Variants in CSNK1A1 observed in about 807,000 individuals in gnomAD.
CSNK1A1 encodes the protein casein kinase 1 alpha 1.
A neutral mutation model predicts 46.1 loss-of-function variants in CSNK1A1; 7 were observed. That is an observed-to-expected ratio of 0.15 (90% CI 0.09 to 0.29). CSNK1A1 has a LOEUF of 0.29. Ranked by LOEUF, CSNK1A1 falls within the 10% of genes least tolerant of loss-of-function variation. CSNK1A1 has a pLI of 1.00. For synonymous variants in CSNK1A1, 137 were observed against 141.5 expected (o/e 0.97, Z 0.23); for missense variants, 96 against 417.1 (o/e 0.23, Z 6.71).
chr5:149,499,077 G>A (rs1207123052), intron 9 of CSNK1A1: 2 of 985,192 alleles, frequency 2.0e-6, no homozygotes, highest in Non-Finnish European at 2.4e-6. Flanking sequence ...CCAGTGAATT[G>A]TCCTAAGATG....
chr5:149,522,284 A>AT (rs1249645032), intron 3 of CSNK1A1, among the ~76,000 whole-genome samples: 2 of 151,534 alleles, frequency 1.3e-5, no homozygotes, highest in African/African-American at 4.9e-5. Context: ...TAATTTTTGT[A>AT]TTTTTTGTGG....
In CSNK1A1 at chr5:149,525,536, T is replaced by G. The variant is rs999213694; in HGVS notation, c.231-365A>C. Among the ~76,000 whole-genome samples, 24 of 152,224 alleles carry G rather than the reference T, an allele frequency of 1.6e-4. No homozygotes were observed. Among genetic ancestry groups the G allele is most frequent in the Non-Finnish European group, 2.9e-4 (20 of 68,036 alleles). ...TTGTAACTGAAGAAATGAAGATGAC[T>G]CTATCAGTCATTCCAAAATGTTTCA... On this transcript the variant is annotated intron_variant, in intron 2 of 9. Transcript: ENST00000377843. The surrounding 1 kb of genome is among the most constrained non-coding windows in gnomAD (Gnocchi z 4.2).
intron 3 of CSNK1A1, among the ~76,000 whole-genome samples, chr5:149,521,957 C>G (rs1761585656): frequency 6.6e-6 from 1 of 152,118 alleles, no homozygotes; most frequent in Admixed American, 6.6e-5. Context: ...CACTCTTTGC[C>G]TATTTTTCTT....
chr5:149,512,532 C>T (rs1947582), intron 5 of CSNK1A1, among the ~76,000 whole-genome samples: 91,319 of 151,868 alleles, frequency 0.6, 29,285 homozygotes, highest in East Asian at 0.99. Context: ...GAAAGGAACT[C>T]GAAACTCTAG....
intron 7 of CSNK1A1, among the ~76,000 whole-genome samples, chr5:149,507,613 T>C (rs1001781837): frequency 1.4e-4 from 22 of 152,004 alleles, no homozygotes; most frequent in African/African-American, 5.3e-4. Flanking sequence ...AGACACGAGC[T>C]ACCACGCCCA....
intron 2 of CSNK1A1, among the ~76,000 whole-genome samples, chr5:149,536,629 C>A (rs79813139): frequency 1.4e-3 from 211 of 152,286 alleles, no homozygotes; most frequent in Non-Finnish European, 2.1e-3. Flanking sequence ...ATGGAAGAAG[C>A]AACACAAGCT....
At chr5:149,545,974 C>T (rs1762468161) in intron 2 of CSNK1A1, among the ~76,000 whole-genome samples, 1 of 151,832 alleles carries the variant, frequency 6.6e-6, no homozygotes, top group African/African-American at 2.4e-5. Flanking sequence ...CTGCAACCTC[C>T]GCCTCCCATG....
intron 9 of CSNK1A1, 86 bp from the exon 10 acceptor site, chr5:149,496,946 C>A: frequency 2.0e-6 from 3 of 1,506,480 alleles, no homozygotes; most frequent in Non-Finnish European, 2.6e-6. Flanking sequence ...TTGGGTGGAA[C>A]TGAGCCAATA....
At chr5:149,543,232 A>AT (rs1762359165) in intron 2 of CSNK1A1, among the ~76,000 whole-genome samples, 1 of 152,182 alleles carries the variant, frequency 6.6e-6, no homozygotes, top group South Asian at 2.1e-4. Flanking sequence ...TGACCTTGAC[A>AT]TAAGGGTGAT....
At chr5:149,509,260 T>C (rs1761137548) in intron 7 of CSNK1A1, among the ~76,000 whole-genome samples, 1 of 151,988 alleles carries the variant, frequency 6.6e-6, no homozygotes, top group Admixed American at 6.6e-5. Context: ...TAAAAGTCCT[T>C]GTTAAAGATA....
At chr5:149,529,500 T>G in intron 2 of CSNK1A1, 1 of 238,458 alleles carries the variant, frequency 4.2e-6, no homozygotes. Context: ...AAAAGATCAA[T>G]GAGAACTAAA....
At position 149,496,882 on chromosome 5, in the gene CSNK1A1, A is replaced by T. The variant is rs769926155; in HGVS notation, c.1007-22T>A. 2.7e-5 allele frequency: 41 copies of T among 1,538,088 alleles called. 1 individual carries two copies. The South Asian group carries it at 4.5e-4, about 17-fold the overall frequency. ...AAACCTGGTAAAAAATCAAAACAAA[A>T]AAAAAGTTAAAATTCCAAGTCAAAA... On this transcript the variant is annotated intron_variant, in intron 9 of 9. Transcript: ENST00000377843.
intron 4 of CSNK1A1, among the ~76,000 whole-genome samples, chr5:149,519,614 C>T (rs1442287218): frequency 6.6e-6 from 1 of 152,180 alleles, no homozygotes; most frequent in Non-Finnish European, 1.5e-5. Context: ...AGTTGAACCA[C>T]TCTCAGAGAC....
rs1313830876 is a variant in CSNK1A1, at chr5:149,493,874, G to GA, written c.*2978dup. On this transcript the variant is annotated 3_prime_UTR_variant, in exon 10 of 10. Coordinates refer to ENST00000377843, the MANE Select transcript of CSNK1A1 (RefSeq NM_001892.6). Reference sequence around the variant, plus strand: ...ATAACTGCTTAAAAACTGGCAAAGAGAAAACCTAAAATAATGCTTTATACC... The same window carrying GA: ...ATAACTGCTTAAAAACTGGCAAAGAGAAAAACCTAAAATAATGCTTTATACC... The GA allele has an allele frequency of 5.3e-5, 8 of 152,248 alleles. No individual in the cohort carries two copies. The highest frequency in any genetic ancestry group is 1.9e-4 in the African/African-American group (8 of 41,572). The allele number at this position is 152,248 out of a possible 1,614,324, so 9.4% of individuals were successfully genotyped here.
intron 2 of CSNK1A1, among the ~76,000 whole-genome samples, chr5:149,549,856 C>T (rs1441992766): frequency 6.6e-6 from 1 of 152,112 alleles, no homozygotes; most frequent in Non-Finnish European, 1.5e-5. Flanking sequence ...GTGAGAATGA[C>T]GGAAGCGAAA....
At chr5:149,519,133 C>T (rs930531810) in intron 4 of CSNK1A1, among the ~76,000 whole-genome samples, 1 of 152,002 alleles carries the variant, frequency 6.6e-6, no homozygotes, top group Admixed American at 6.5e-5. Flanking sequence ...TATTTAAACA[C>T]CTTTCATTAT....
At chr5:149,505,647 A>G (rs1760998002) in intron 8 of CSNK1A1, 52 bp from the exon 9 acceptor site, 3 of 1,484,268 alleles carry the variant, frequency 2.0e-6, no homozygotes, top group South Asian at 2.3e-5. Context: ...GAGTCCAGTT[A>G]TATAACCTAC....
Position 149,550,613 on chromosome 5 carries a change from G to A in CSNK1A1, c.123+229C>T, listed in dbSNP as rs1762627774. ...AAAGCTCGACTAAGGGACATTTATG[G>A]GACGTGTTTAACAAGGTGGGAAACT... is the stretch of plus-strand genomic sequence containing the variant. On this transcript the variant is annotated intron_variant, in intron 1 of 9. Coordinates refer to ENST00000377843, the MANE Select transcript of CSNK1A1 (RefSeq NM_001892.6). This position sits in a 1 kb window ranked among gnomAD's most constrained non-coding sequence, Gnocchi z 4.3. 6.6e-6 allele frequency among the ~76,000 whole-genome samples: 1 copy of A among 151,894 alleles called. No individual in the cohort carries two copies. Among genetic ancestry groups the A allele is most frequent in the Non-Finnish European group, 1.5e-5 (1 of 67,984 alleles).
intron 9 of CSNK1A1, chr5:149,502,873 A>T: frequency 3.1e-6 from 2 of 647,056 alleles, no homozygotes; most frequent in Non-Finnish European, 3.8e-6. Context: ...GGTTCAAGCA[A>T]TTCTCCTGCC....
Sources: allele counts gnomAD v4.1 joint callset (sites outside exome capture counted in the v4.1 genomes callset), GRCh38; gene constraint gnomAD v4.1.1; non-coding constraint Gnocchi (gnomAD v3.1); transcripts MANE v1.5; gene names NCBI Gene and HGNC (gene_info 2026-07-23, HGNC 2026-07-21).